Variants in CFAP54 observed in about 807,000 individuals in gnomAD.
The protein encoded by CFAP54 is cilia- and flagella-associated protein 54.
In CFAP54, 290 loss-of-function variants were observed where a neutral mutation model predicts 370.4. The ratio of observed to expected loss-of-function variants is 0.78; its 90% CI spans 0.71 to 0.86. The LOEUF (loss-of-function observed/expected upper bound fraction) is 0.86. CFAP54 is among the 40% of genes least tolerant of loss of function. The pLI, the probability that CFAP54 is intolerant of heterozygous loss-of-function variation, is 0.00. For synonymous variants in CFAP54, 1,206 were observed against 1,236.5 expected, an observed-to-expected ratio of 0.98 and a Z score of 0.52; for missense variants, 3,399 against 3,528.7, an observed-to-expected ratio of 0.96 and a Z score of 0.93.
intron 26 of CFAP54, among the ~76,000 whole-genome samples, chr12:96,614,972 G>C (rs912253600): frequency 9.2e-5 from 14 of 152,188 alleles, no homozygotes; most frequent in Middle Eastern, 6.8e-3. Context: ...TCCCCATCAA[G>C]CTACCAATGA....
intron 26 of CFAP54, among the ~76,000 whole-genome samples, chr12:96,608,674 C>G (rs1187258247): frequency 2.6e-5 from 4 of 151,926 alleles, no homozygotes; most frequent in Admixed American, 2.6e-4. Context: ...GTGGTCCAGG[C>G]TGGTCTCGAA....
At chr12:96,792,769 A>G (rs1416277775) in intron 63 of CFAP54, among the ~76,000 whole-genome samples, 1 of 151,964 alleles carries the variant, frequency 6.6e-6, no homozygotes, top group Non-Finnish European at 1.5e-5. Context: ...TTTTTTTGGT[A>G]GTTATTCTTT....
chr12:96,704,206 T>C (rs1164495455), intron 46 of CFAP54, among the ~76,000 whole-genome samples: 1 of 151,844 alleles, frequency 6.6e-6, no homozygotes. Flanking sequence ...GGCGGGCAGA[T>C]CACGAGGTCA....
At chr12:96,572,994 C>A (rs1955938449) in intron 19 of CFAP54, 4 of 985,394 alleles carry the variant, frequency 4.1e-6, no homozygotes, top group Non-Finnish European at 4.8e-6. Flanking sequence ...ACTACCAAGG[C>A]AAATTTTGAG....
At chr12:96,869,933 CAAAAA>C (rs760992300) in intron 67 of CFAP54, among the ~76,000 whole-genome samples, 3 of 36,848 alleles carry the variant, frequency 8.1e-5, no homozygotes, top group African/African-American at 2.9e-4. Flanking sequence ...AAAACTCCGT[CAAAAA>C]AAAAAAAAAA....
At chr12:96,826,338 CAA>C (rs1491234453) in intron 65 of CFAP54, among the ~76,000 whole-genome samples, 1 of 138,360 alleles carries the variant, frequency 7.2e-6, no homozygotes, top group Non-Finnish European at 1.5e-5. Flanking sequence ...ATATAGTCTA[CAA>C]TATATATACT....
rs1955569449 is a variant in CFAP54, at chr12:96,541,339, G to A, written c.2077+352G>A. Among the ~76,000 whole-genome samples, 3 of 144,248 alleles carry A rather than the reference G, an allele frequency of 2.1e-5. No homozygotes were observed. In the South Asian group the frequency reaches 6.5e-4, roughly 31 times the overall value. 94.6% of individuals were successfully genotyped at this position (144,248 alleles called of 152,430 possible). On this transcript the variant is annotated intron_variant, in intron 14 of 67. Coordinates refer to ENST00000524981, the MANE Select transcript of CFAP54 (RefSeq NM_001306084.2). ...TTTGCTCTGTTGCCCAGGCTGGAGT[G>A]CAGTGGCACAATCTCAGCTCACTGC...
intron 32 of CFAP54, among the ~76,000 whole-genome samples, chr12:96,634,443 G>A (rs1956643601): frequency 6.6e-6 from 1 of 152,080 alleles, no homozygotes; most frequent in South Asian, 2.1e-4. Context: ...TCATTGGATT[G>A]TTTTTATTTT....
chr12:96,542,833 T>C lies in CFAP54; in HGVS notation c.2077+1846T>C, dbSNP rs142526327. On this transcript the variant is annotated intron_variant, in intron 14 of 67. Coordinates refer to ENST00000524981, the MANE Select transcript of CFAP54 (RefSeq NM_001306084.2). ...TCAGAATCCAAACAAGGCCCACACA[T>C]TGTATTTTCTTGACATGTCTCTTAA... is the stretch of plus-strand genomic sequence containing the variant. Among the ~76,000 whole-genome samples, 366 of 152,320 alleles carry C rather than the reference T, an allele frequency of 2.4e-3. 4 individuals carry two copies. The highest frequency in any genetic ancestry group is 8.3e-3 in the African/African-American group (346 of 41,568).
chr12:96,844,670 T>C (rs116266546), intron 66 of CFAP54, among the ~76,000 whole-genome samples: 1 of 152,198 alleles, frequency 6.6e-6, no homozygotes, highest in Non-Finnish European at 1.5e-5. Flanking sequence ...ATTATCATCC[T>C]TTTTTTACAT....
intron 50 of CFAP54, among the ~76,000 whole-genome samples, chr12:96,727,531 A>C: frequency 6.8e-6 from 1 of 146,662 alleles, no homozygotes; most frequent in East Asian, 2.1e-4. Context: ...TTTGCTTGGT[A>C]GATCTTCCTC....
intron 4 of CFAP54, among the ~76,000 whole-genome samples, chr12:96,510,213 A>G (rs1313853542): frequency 6.8e-6 from 1 of 147,626 alleles, no homozygotes; most frequent in East Asian, 2.0e-4. Context: ...AGATCATGCC[A>G]CTTCCCTCCA....
intron 26 of CFAP54, among the ~76,000 whole-genome samples, chr12:96,620,517 CAATT>C (rs956683194): frequency 2.0e-5 from 3 of 152,222 alleles, no homozygotes; most frequent in Non-Finnish European, 4.4e-5. Context: ...AATTGTGAGT[CAATT>C]AAACCTCTTT....
At chr12:96,549,726 T>C (rs936907966) in intron 15 of CFAP54, among the ~76,000 whole-genome samples, 3 of 152,230 alleles carry the variant, frequency 2.0e-5, no homozygotes, top group African/African-American at 7.2e-5. Flanking sequence ...TGAGTTGTTA[T>C]ATAGTTTAAA....
chr12:96,573,418 G>A (rs927006052), intron 19 of CFAP54, among the ~76,000 whole-genome samples: 2 of 152,134 alleles, frequency 1.3e-5, no homozygotes, highest in Non-Finnish European at 2.9e-5. Context: ...TCCTCATCAA[G>A]CCTCTCACCT....
intron 60 of CFAP54, among the ~76,000 whole-genome samples, chr12:96,779,599 A>T (rs112722980): frequency 1.3e-5 from 2 of 149,162 alleles, no homozygotes; most frequent in South Asian, 4.2e-4. Context: ...AATTGCAATT[A>T]AGATTTCACT....
At chr12:96,683,107 ATTC>A (rs369152666) in intron 40 of CFAP54, among the ~76,000 whole-genome samples, 2 of 152,350 alleles carry the variant, frequency 1.3e-5, no homozygotes, top group South Asian at 4.1e-4. Context: ...TATTTAATAT[ATTC>A]TTCTTATACA....
intron 3 of CFAP54, among the ~76,000 whole-genome samples, chr12:96,505,233 T>C (rs1223694242): frequency 6.6e-6 from 1 of 151,782 alleles, no homozygotes; most frequent in African/African-American, 2.4e-5. Context: ...CCGGCTAATT[T>C]TTGTATTTTT....
chr12:96,795,742 G>A (rs1448206593), intron 63 of CFAP54, among the ~76,000 whole-genome samples: 1 of 152,064 alleles, frequency 6.6e-6, no homozygotes, highest in Non-Finnish European at 1.5e-5. Flanking sequence ...TTCAGGTTTC[G>A]AGCCCCTCTA....
Sources: allele counts gnomAD v4.1 joint callset (sites outside exome capture counted in the v4.1 genomes callset), GRCh38; gene constraint gnomAD v4.1.1; transcripts MANE v1.5; gene names NCBI Gene and HGNC (gene_info 2026-07-23, HGNC 2026-07-21).